The following SMC5 variants were observed in gnomAD, a reference collection of about 807,000 sequenced individuals.
The protein encoded by SMC5 is structural maintenance of chromosomes 5, also known as structural maintenance of chromosomes protein 5.
SMC5 carries 88 observed loss-of-function variants against 148.3 expected under a neutral mutation model. The ratio of observed to expected loss-of-function variants is 0.59; its 90% CI spans 0.50 to 0.71. The LOEUF (loss-of-function observed/expected upper bound fraction) is 0.71, where lower values mean the gene tolerates loss of function less well. SMC5 is among the 30% of genes least tolerant of loss of function. The probability of loss-of-function intolerance (pLI) is 0.00; values close to 1 mark genes in which losing one functional copy is unlikely to be tolerated. For synonymous variants in SMC5, 421 were observed against 432.8 expected (o/e 0.97, Z 0.34); for missense variants, 1,142 against 1,298.9 (o/e 0.88, Z 1.86).
intron 10 of SMC5, among the ~76,000 whole-genome samples, chr9:70,301,953 A>G (rs1355928552): frequency 1.3e-5 from 2 of 152,212 alleles, no homozygotes; most frequent in Admixed American, 6.5e-5. Context: ...TTATCTTGCT[A>G]CTTTGATTGT....
chr9:70,313,844 T>C (rs889137441), intron 11 of SMC5, among the ~76,000 whole-genome samples: 2 of 152,172 alleles, frequency 1.3e-5, no homozygotes, highest in Admixed American at 1.3e-4. Flanking sequence ...AATAACATTG[T>C]AGAGACTGGA....
chr9:70,343,188 T>C (rs2036570160), intron 17 of SMC5, among the ~76,000 whole-genome samples: 1 of 151,590 alleles, frequency 6.6e-6, no homozygotes, highest in Non-Finnish European at 1.5e-5. Flanking sequence ...ATAATATTAC[T>C]GTGCAGTGTT....
rs1587603954 is a variant in SMC5 at position 70,259,017 on chromosome 9, T to TGGGTGGATGGGCGCTG, written c.-59_-58insTGGATGGGCGCTGGGG. The TGGGTGGATGGGCGCTG allele has an allele frequency of 2.7e-6, 4 of 1,502,558 alleles. No individual in the cohort carries two copies. In the East Asian group the frequency reaches 9.9e-5, roughly 37 times the overall value. 93.1% of individuals were successfully genotyped at this position (1,502,558 alleles called of 1,614,324 possible). A position where few individuals can be genotyped will look rare whatever the true frequency, so the allele number is the denominator to read the frequency against. Reference sequence around the variant, plus strand: ...CGGGGCGCCTGGGTGGATGGGCGCTTGGGCGCCTGGGCTGCCGGACGGTGG... The same window carrying TGGGTGGATGGGCGCTG: ...CGGGGCGCCTGGGTGGATGGGCGCTTGGGTGGATGGGCGCTGGGGCGCCTGGGCTGCCGGACGGTGG... On this transcript the variant is annotated 5_prime_UTR_variant, in exon 1 of 25. The change creates a new upstream start codon in the 5' untranslated region. Coordinates refer to ENST00000361138, the MANE Select transcript of SMC5 (RefSeq NM_015110.4).
rs76230208 is a variant in SMC5 at position 70,278,390 on chromosome 9, T to A, written c.544-101T>A. The A allele has an allele frequency of 4.3e-4, 458 of 1,074,494 alleles. 2 individuals carry two copies. Among genetic ancestry groups the A allele is most frequent in the Non-Finnish European group, 5.6e-4 (421 of 746,804 alleles). The allele number at this position is 1,074,494 out of a possible 1,614,324, so 66.6% of individuals were successfully genotyped here. A position where few individuals can be genotyped will look rare whatever the true frequency, so the allele number is the denominator to read the frequency against. On this transcript the variant is annotated intron_variant, in intron 4 of 24. Coordinates refer to ENST00000361138, the MANE Select transcript of SMC5 (RefSeq NM_015110.4). ...AGGTTTATATCTCAAATGTTTTTTT[T>A]AATGAGTTTCACCTTGACAAGTGTA...
Position 70,347,057 on chromosome 9 carries a change from T to C in SMC5, c.2569-9T>C. On this transcript the variant is annotated splice_polypyrimidine_tract_variant and intron_variant, in intron 19 of 24. Transcript: ENST00000361138. ...TTGTATCTATAATGACGGGCAATTT[T>C]TTTCTTAGGTTTTCCAAGACCTTCC... 6.2e-7 allele frequency: 1 copy of C among 1,609,534 alleles called. No individual in the cohort carries two copies. Among genetic ancestry groups the C allele is most frequent in the Non-Finnish European group, 8.5e-7 (1 of 1,177,118 alleles).
At chr9:70,313,641 G>C (rs1214523812) in intron 11 of SMC5, among the ~76,000 whole-genome samples, 1 of 151,996 alleles carries the variant, frequency 6.6e-6, no homozygotes, top group Admixed American at 6.6e-5. Context: ...GAGATTACAG[G>C]AGCCCCACAC....
In SMC5 at chr9:70,347,087, A is replaced by T; in HGVS notation, c.2590A>T (p.Thr864Ser). The stretch of plus-strand genomic sequence containing the variant: ...TTAGGTTTTCCAAGACCTTCCAAAC[A>T]CATTGGATGAAATTGATGCTTTATT... ...LPMVFQDLPNTLDEIDALLTE... is the reference protein window; with the variant it reads ...LPMVFQDLPNSLDEIDALLTE... Residue 864 changes from threonine (T) to serine (S), a missense_variant, in exon 20 of 25, where the codon ACA becomes TCA. Around this residue, in one of 5 missense-constraint regions of SMC5, gnomAD observed 743 missense variants for 835.7 expected, o/e 0.89. Transcript: ENST00000361138. The T allele has an allele frequency of 1.2e-6, 2 of 1,613,922 alleles. No homozygotes were observed. The highest frequency in any genetic ancestry group is 1.7e-6 in the Non-Finnish European group (2 of 1,179,888).
intron 4 of SMC5, among the ~76,000 whole-genome samples, chr9:70,278,056 T>A (rs565087743): frequency 6.6e-6 from 1 of 152,206 alleles, no homozygotes; most frequent in South Asian, 2.1e-4. Context: ...TAAATAAAAC[T>A]TAAACATTTT....
intron 8 of SMC5, among the ~76,000 whole-genome samples, chr9:70,295,660 C>T (rs2035182842): frequency 6.6e-6 from 1 of 152,010 alleles, no homozygotes; most frequent in Non-Finnish European, 1.5e-5. Context: ...ATGAAGGTAA[C>T]AAATGAGTTA....
At chr9:70,260,528 A>G (rs185896307) in intron 1 of SMC5, among the ~76,000 whole-genome samples, 6 of 152,230 alleles carry the variant, frequency 3.9e-5, no homozygotes, top group Admixed American at 3.9e-4. Context: ...TTCTTTCTTC[A>G]TAACAACTCT....
At chr9:70,289,528 G>T (rs2035001427) in intron 8 of SMC5, among the ~76,000 whole-genome samples, 1 of 151,842 alleles carries the variant, frequency 6.6e-6, no homozygotes, top group Non-Finnish European at 1.5e-5. Flanking sequence ...TTTTCAATTT[G>T]ATGGCAAATA....
intron 10 of SMC5, among the ~76,000 whole-genome samples, chr9:70,302,750 T>C (rs1458933140): frequency 6.6e-6 from 1 of 152,182 alleles, no homozygotes; most frequent in African/African-American, 2.4e-5. Flanking sequence ...TGAATGTGTA[T>C]TACACTTGGG....
chr9:70,297,071 A>T (rs1285306370), intron 8 of SMC5, among the ~76,000 whole-genome samples: 1 of 152,222 alleles, frequency 6.6e-6, no homozygotes, highest in Non-Finnish European at 1.5e-5. Context: ...TGGGACCAGA[A>T]GTGTTTGGAT....
intron 7 of SMC5, among the ~76,000 whole-genome samples, chr9:70,285,543 T>C (rs1403252615): frequency 6.6e-6 from 1 of 152,166 alleles, no homozygotes. Flanking sequence ...AGTGAGCCAC[T>C]CTTATCAGTT....
intron 17 of SMC5, among the ~76,000 whole-genome samples, chr9:70,338,091 C>T (rs139474509): frequency 5.3e-5 from 8 of 152,220 alleles, no homozygotes; most frequent in South Asian, 2.1e-4. Flanking sequence ...CAACAGCTTG[C>T]TGCAGCCTGG....
intron 17 of SMC5, among the ~76,000 whole-genome samples, chr9:70,335,751 T>A (rs886584051): frequency 6.6e-6 from 1 of 152,186 alleles, no homozygotes; most frequent in Non-Finnish European, 1.5e-5. Flanking sequence ...TTGTCAGAAT[T>A]CATCAAGTTG....
chr9:70,334,532 A>G (rs1169560335), intron 17 of SMC5, among the ~76,000 whole-genome samples: 1 of 152,220 alleles, frequency 6.6e-6, no homozygotes, highest in Non-Finnish European at 1.5e-5. Flanking sequence ...CAAGAGGACT[A>G]TGCCTGTGGG....
intron 17 of SMC5, among the ~76,000 whole-genome samples, chr9:70,341,935 C>T (rs1392318335): frequency 6.6e-6 from 1 of 150,880 alleles, no homozygotes; most frequent in Admixed American, 6.6e-5. Flanking sequence ...AAGACACATG[C>T]ACACGTATAT....
intron 17 of SMC5, among the ~76,000 whole-genome samples, chr9:70,328,983 G>C (rs1028007847): frequency 6.6e-6 from 1 of 152,182 alleles, no homozygotes; most frequent in Non-Finnish European, 1.5e-5. Flanking sequence ...AATGGCCTGA[G>C]CTATATCTTG....
Sources: gnomAD v4.1 joint callset for allele counts (sites outside exome capture counted in the v4.1 genomes callset) on GRCh38, gnomAD v4.1.1 for gene constraint, gnomAD v4.1.1 regional missense constraint, MANE v1.5 for transcripts, NCBI Gene and HGNC (gene_info 2026-07-23, HGNC 2026-07-21) for gene names.